CES5A: variants seen among roughly 807,000 people sequenced by gnomAD.
CES5A encodes the protein carboxylesterase 5A, also known as carboxylesterase 5.
CES5A carries 67 observed loss-of-function variants against 62.9 expected under a neutral mutation model. That is an observed-to-expected ratio of 1.07 (90% CI 0.88 to 1.31). CES5A has a LOEUF of 1.31. Among genes scored for constraint, CES5A ranks in the 50% most tolerant of loss-of-function variants. The pLI is 0.00. For missense variants in CES5A, 748 were observed against 708.5 expected, an observed-to-expected ratio of 1.06 and a Z score of -0.63; for synonymous variants, 296 against 280.8, an observed-to-expected ratio of 1.05 and a Z score of -0.54.
chr16:55,882,930 C>T (rs1279657962), intron 1 of CES5A, among the ~76,000 whole-genome samples: 1 of 152,194 alleles, frequency 6.6e-6, no homozygotes, highest in African/African-American at 2.4e-5. Context: ...GTTCTTGGGA[C>T]ATCCAGGCAG....
chr16:55,902,984 G>A lies in CES5A; in HGVS notation c.-256+22339C>T, dbSNP rs546792581. On this transcript the variant is annotated intron_variant, in intron 1 of 12. Transcript: ENST00000518005. ...AGGAAAGAAAGACAGACAGTATAAC[G>A]AAGAAGGGCAACAAAAACAAACTGC... 1.4e-4 allele frequency among the ~76,000 whole-genome samples: 22 copies of A among 152,228 alleles called. No homozygotes were observed. The South Asian group carries it at 3.7e-3, about 26-fold the overall frequency.
intron 1 of CES5A, among the ~76,000 whole-genome samples, chr16:55,888,749 T>G (rs1162188999): frequency 2.0e-5 from 3 of 152,354 alleles, no homozygotes; most frequent in Middle Eastern, 6.8e-3. Flanking sequence ...ATGGAGTTGA[T>G]TCTATTGTTA....
chr16:55,867,302 A>T (rs1254164301), intron 4 of CES5A, among the ~76,000 whole-genome samples: 1 of 152,226 alleles, frequency 6.6e-6, no homozygotes, highest in East Asian at 1.9e-4. Context: ...AGAAAGCTGC[A>T]GTTTTGGGAT....
At chr16:55,901,248 C>T (rs1423888866) in intron 1 of CES5A, among the ~76,000 whole-genome samples, 5 of 152,278 alleles carry the variant, frequency 3.3e-5, no homozygotes, top group African/African-American at 7.2e-5. Context: ...GCCATTTATT[C>T]GCCTTCTATC....
chr16:55,868,789 T>C (rs111858886), intron 4 of CES5A, among the ~76,000 whole-genome samples: 205 of 152,306 alleles, frequency 1.3e-3, no homozygotes, highest in African/African-American at 4.7e-3. Context: ...TTAGACAGGA[T>C]AATAGAAGCA....
intron 4 of CES5A, among the ~76,000 whole-genome samples, chr16:55,869,118 G>A (rs2033529978): frequency 6.6e-6 from 1 of 152,242 alleles, no homozygotes; most frequent in Admixed American, 6.5e-5. Flanking sequence ...TGTTCTTCCA[G>A]GGCACACAGT....
intron 8 of CES5A, among the ~76,000 whole-genome samples, chr16:55,859,222 G>A (rs2033304329): frequency 6.6e-6 from 1 of 152,262 alleles, no homozygotes; most frequent in South Asian, 2.1e-4. Flanking sequence ...TGTCAGCTCT[G>A]AAGTGGTAAC....
intron 10 of CES5A, among the ~76,000 whole-genome samples, chr16:55,851,625 T>G (rs2033134743): frequency 6.6e-6 from 1 of 152,198 alleles, no homozygotes; most frequent in Non-Finnish European, 1.5e-5. Context: ...GCATTACAGA[T>G]GATCCAGAAA....
rs144674577 is a variant in CES5A, at chr16:55,869,610, C to A, written c.551+1G>T. ...GATGTCCATCATTTGGAGAGACTCA[C>A]GTGAAGAAACCAAATATTCCTAGCC... On this transcript the variant is annotated splice_donor_variant, in intron 4 of 12. Coordinates refer to ENST00000290567, the MANE Select transcript of CES5A (RefSeq NM_001143685.2). LOFTEE classifies it high-confidence loss of function. 6.2e-7 allele frequency: 1 copy of A among 1,613,528 alleles called. No individual in the cohort carries two copies. The highest frequency in any genetic ancestry group is 1.7e-5 in the Admixed American group (1 of 59,976).
At chr16:55,869,130 G>A (rs1191375264) in intron 4 of CES5A, among the ~76,000 whole-genome samples, 4 of 152,234 alleles carry the variant, frequency 2.6e-5, no homozygotes, top group Non-Finnish European at 5.9e-5. Context: ...GCACACAGTG[G>A]GGCTACATGG....
At chr16:55,886,372 GA>G (rs1191096633) in intron 1 of CES5A, among the ~76,000 whole-genome samples, 6 of 152,192 alleles carry the variant, frequency 3.9e-5, no homozygotes, top group Non-Finnish European at 7.4e-5. Flanking sequence ...GAATCATGAG[GA>G]TTCATCTATG....
Position 55,875,181 on chromosome 16 carries a change from C to A in CES5A, c.41G>T (p.Trp14Leu). 6.2e-7 allele frequency: 1 copy of A among 1,614,084 alleles called. No individual in the cohort carries two copies. Among genetic ancestry groups the A allele is most frequent in the Non-Finnish European group, 8.5e-7 (1 of 1,179,998 alleles). ...NWVHPGQILI[W>L]AIWVLAAPTK... is the part of the protein sequence containing the mutation. ...GGGGGCTGCAAGGACCCAGATAGCC[C>A]AAATTAGGATCTGGCCTGGGTGCAC... is the stretch of plus-strand genomic sequence containing the variant. Residue 14 changes from tryptophan (W) to leucine (L), a missense_variant, in exon 1 of 13, where the codon TGG becomes TTG. Coordinates refer to ENST00000290567, the MANE Select transcript of CES5A (RefSeq NM_001143685.2).
intron 1 of CES5A, among the ~76,000 whole-genome samples, chr16:55,890,730 G>C (rs1430687243): frequency 6.6e-6 from 1 of 151,654 alleles, no homozygotes; most frequent in African/African-American, 2.4e-5. Context: ...TTCTTATCTT[G>C]CCCAAATATC....
intron 2 of CES5A, among the ~76,000 whole-genome samples, chr16:55,932,317 T>G (rs1339732837): frequency 6.6e-6 from 1 of 151,990 alleles, no homozygotes; most frequent in Admixed American, 6.5e-5. Flanking sequence ...CTGAAAGAAA[T>G]AAATTTGTTT....
At chr16:55,909,120 C>T (rs1283000736) in intron 1 of CES5A, among the ~76,000 whole-genome samples, 3 of 152,216 alleles carry the variant, frequency 2.0e-5, no homozygotes, top group Non-Finnish European at 4.4e-5. Context: ...CATTTGCCTT[C>T]GTTTGGGTCA....
intron 1 of CES5A, among the ~76,000 whole-genome samples, chr16:55,924,205 T>C (rs1473971432): frequency 2.6e-5 from 4 of 151,830 alleles, no homozygotes; most frequent in African/African-American, 4.8e-5. Context: ...TTAGAATTGA[T>C]AAACAAATTC....
intron 1 of CES5A, among the ~76,000 whole-genome samples, chr16:55,889,121 C>T (rs535912220): frequency 4.0e-5 from 6 of 151,224 alleles, no homozygotes; most frequent in African/African-American, 9.7e-5. Flanking sequence ...AAACTGGATA[C>T]GGGCCTAAGA....
At chr16:55,867,602 A>C in intron 4 of CES5A, among the ~76,000 whole-genome samples, 1 of 151,426 alleles carries the variant, frequency 6.6e-6, no homozygotes. Context: ...TGCCAATTTT[A>C]CCTCCATTCT....
At chr16:55,867,858 T>C (rs1337055971) in intron 4 of CES5A, among the ~76,000 whole-genome samples, 2 of 152,218 alleles carry the variant, frequency 1.3e-5, no homozygotes, top group Non-Finnish European at 2.9e-5. Context: ...AAAATAAGCA[T>C]GTCATATTCA....
Sources: allele counts gnomAD v4.1 joint callset (sites outside exome capture counted in the v4.1 genomes callset), GRCh38; gene constraint gnomAD v4.1.1; transcripts MANE v1.5; gene names NCBI Gene and HGNC (gene_info 2026-07-23, HGNC 2026-07-21).